Variants in KCNK2 observed in about 807,000 individuals in gnomAD.
The protein encoded by KCNK2 is potassium two pore domain channel subfamily K member 2, also known as potassium channel subfamily K member 2.
In KCNK2, 21 loss-of-function variants were observed where a neutral mutation model predicts 40.5. That is an observed-to-expected ratio of 0.52 (90% CI 0.37 to 0.75). The LOEUF is 0.75. Ranked by LOEUF, KCNK2 falls within the 30% of genes least tolerant of loss-of-function variation. KCNK2 has a pLI of 0.00. For missense variants in KCNK2, 399 were observed against 531.6 expected (o/e 0.75, Z 2.45); for synonymous variants, 191 against 202.2 (o/e 0.94, Z 0.47).
At chr1:215,103,439 G>A (rs1660305278) in intron 2 of KCNK2, among the ~76,000 whole-genome samples, 1 of 151,826 alleles carries the variant, frequency 6.6e-6, no homozygotes, top group African/African-American at 2.4e-5. Context: ...TGATATTACT[G>A]GACATGTTAT....
chr1:215,149,740 GAGTCACT>G (rs1662602628), intron 3 of KCNK2, among the ~76,000 whole-genome samples: 1 of 152,190 alleles, frequency 6.6e-6, no homozygotes, highest in African/African-American at 2.4e-5. Context: ...AGATAATCAG[GAGTCACT>G]AGTGGGATAT....
In KCNK2 at chr1:215,185,133, AT is replaced by A. The variant is rs5780817; in HGVS notation, c.824-9811del. On this transcript the variant is annotated intron_variant, in intron 5 of 6. Transcript: ENST00000444842. ...TTGTTACCCATCTTCAAATCTGTTA[AT>A]TTTTTTTTATTTGACAGAGGAAATA... Among the ~76,000 whole-genome samples, 82 of 151,374 alleles carry A rather than the reference AT, an allele frequency of 5.4e-4. 1 individual carries two copies. The highest frequency in any genetic ancestry group is 3.4e-3 in the Middle Eastern group (1 of 294).
intron 2 of KCNK2, among the ~76,000 whole-genome samples, chr1:215,112,780 T>C (rs1411505269): frequency 1.3e-5 from 2 of 152,314 alleles, no homozygotes; most frequent in East Asian, 3.9e-4. Flanking sequence ...AAAAATGCTG[T>C]ACAGGTTTAT....
At chr1:215,168,452 C>G (rs1663546857) in intron 3 of KCNK2, among the ~76,000 whole-genome samples, 1 of 152,174 alleles carries the variant, frequency 6.6e-6, no homozygotes, top group African/African-American at 2.4e-5. Context: ...TGGAACCAAC[C>G]TAAATCCCCA....
chr1:215,199,310 A>G (rs931615836), intron 6 of KCNK2, among the ~76,000 whole-genome samples: 55 of 152,156 alleles, frequency 3.6e-4, no homozygotes, highest in African/African-American at 1.3e-3. Flanking sequence ...CTCCATCTCC[A>G]AAAAAATAAA....
intron 3 of KCNK2, among the ~76,000 whole-genome samples, chr1:215,133,240 A>G (rs574304871): frequency 4.6e-4 from 70 of 152,348 alleles, no homozygotes; most frequent in South Asian, 2.7e-3. Flanking sequence ...AAAAGTTTTC[A>G]ATAGCATATT....
At chr1:215,176,537 G>A (rs1663984013) in intron 5 of KCNK2, among the ~76,000 whole-genome samples, 1 of 152,056 alleles carries the variant, frequency 6.6e-6, no homozygotes, top group Non-Finnish European at 1.5e-5. Flanking sequence ...CCCCCAATGT[G>A]TCCATGTGTT....
chr1:215,032,074 C>A (rs1429659118), intron 1 of KCNK2, among the ~76,000 whole-genome samples: 1 of 151,140 alleles, frequency 6.6e-6, no homozygotes, highest in Non-Finnish European at 1.5e-5. Flanking sequence ...TTATTTTGAG[C>A]AAACTGTTAT....
intron 2 of KCNK2, among the ~76,000 whole-genome samples, chr1:215,098,035 T>C (rs1231505277): frequency 6.6e-6 from 1 of 151,978 alleles, no homozygotes; most frequent in African/African-American, 2.4e-5. Context: ...ATTCAACTCT[T>C]TGTTTTTATA....
At chr1:215,205,538 C>T (rs963832443) in intron 6 of KCNK2, among the ~76,000 whole-genome samples, 12 of 152,116 alleles carry the variant, frequency 7.9e-5, no homozygotes, top group Admixed American at 1.3e-4. Context: ...CCACTGTGTC[C>T]GGCTGGGAAG....
intron 1 of KCNK2, among the ~76,000 whole-genome samples, chr1:215,063,852 C>G (rs2102509724): frequency 6.6e-6 from 1 of 152,188 alleles, no homozygotes; most frequent in East Asian, 1.9e-4. Context: ...AGAAAGAAAG[C>G]AAAGAAACAG....
intron 1 of KCNK2, among the ~76,000 whole-genome samples, chr1:215,085,262 T>A (rs1171015541): frequency 6.6e-6 from 1 of 152,224 alleles, no homozygotes; most frequent in Admixed American, 6.5e-5. Flanking sequence ...TTAAGCTGAT[T>A]ATTCTGTTTG....
intron 5 of KCNK2, among the ~76,000 whole-genome samples, chr1:215,177,740 A>ATATATATATATATTTTTT (rs71167812): frequency 9.8e-6 from 1 of 101,600 alleles, no homozygotes; most frequent in African/African-American, 3.5e-5. Context: ...ATATATATAT[A>ATATATATATATATTTTTT]TTTTTTTTTT....
At chr1:215,037,897 T>C (rs1190000205) in intron 1 of KCNK2, among the ~76,000 whole-genome samples, 1 of 151,898 alleles carries the variant, frequency 6.6e-6, no homozygotes, top group East Asian at 1.9e-4. Context: ...TAATTATGGT[T>C]ATTTATATTT....
At chr1:215,089,630 C>T (rs1393854142) in intron 2 of KCNK2, among the ~76,000 whole-genome samples, 1 of 152,016 alleles carries the variant, frequency 6.6e-6, no homozygotes, top group Non-Finnish European at 1.5e-5. Context: ...GTTATAGAAG[C>T]ATGTGTGTAT....
intron 2 of KCNK2, among the ~76,000 whole-genome samples, chr1:215,089,165 A>G (rs562750285): frequency 9.9e-5 from 15 of 152,220 alleles, no homozygotes; most frequent in African/African-American, 3.6e-4. Context: ...TTCCCATTTA[A>G]TCATCCCTTA....
intron 1 of KCNK2, among the ~76,000 whole-genome samples, chr1:215,031,276 G>T (rs1029780793): frequency 3.3e-5 from 5 of 152,118 alleles, no homozygotes; most frequent in African/African-American, 1.2e-4. Flanking sequence ...CTGGGATTTT[G>T]GTCAGGATGG....
chr1:215,017,769 A>T (rs1178654602), intron 1 of KCNK2, among the ~76,000 whole-genome samples: 1 of 152,188 alleles, frequency 6.6e-6, no homozygotes, highest in Non-Finnish European at 1.5e-5. Flanking sequence ...GCATACATTA[A>T]TTATCCTGAA....
chr1:215,032,738 C>T (rs1180575177), intron 1 of KCNK2, among the ~76,000 whole-genome samples: 5 of 152,032 alleles, frequency 3.3e-5, no homozygotes, highest in Admixed American at 6.6e-5. Context: ...TCAAGAAGTT[C>T]GATGTAATTA....
Sources: allele counts gnomAD v4.1 joint callset (sites outside exome capture counted in the v4.1 genomes callset), GRCh38; gene constraint gnomAD v4.1.1; transcripts MANE v1.5; gene names NCBI Gene and HGNC (gene_info 2026-07-23, HGNC 2026-07-21).